SLC24A3: variants seen among roughly 807,000 people sequenced by gnomAD.
SLC24A3 encodes the protein solute carrier family 24 member 3.
SLC24A3 carries 28 observed loss-of-function variants against 75.8 expected under a neutral mutation model. That is an observed-to-expected ratio of 0.37 (90% CI 0.27 to 0.51). The LOEUF is 0.51. Ranked by LOEUF, SLC24A3 falls within the 20% of genes least tolerant of loss-of-function variation. The pLI, the probability that SLC24A3 is intolerant of heterozygous loss-of-function variation, is 0.94. For missense variants in SLC24A3, 663 were observed against 847.8 expected, an observed-to-expected ratio of 0.78 and a Z score of 2.71; for synonymous variants, 372 against 334.1, an observed-to-expected ratio of 1.11 and a Z score of -1.24.
chr20:19,388,183 GTCT>G (rs1329397497), intron 2 of SLC24A3, among the ~76,000 whole-genome samples: 1 of 152,006 alleles, frequency 6.6e-6, no homozygotes, highest in Non-Finnish European at 1.5e-5. Context: ...AAAATAGTAG[GTCT>G]TCTTTATTTT....
intron 6 of SLC24A3, among the ~76,000 whole-genome samples, chr20:19,617,319 A>G (rs969606343): frequency 1.9e-4 from 26 of 135,926 alleles, no homozygotes; most frequent in African/African-American, 6.0e-4. Context: ...TTAGAAGGAC[A>G]AGGACAGCAT....
At chr20:19,509,770 T>C (rs1286759336) in intron 2 of SLC24A3, among the ~76,000 whole-genome samples, 2 of 152,228 alleles carry the variant, frequency 1.3e-5, no homozygotes, top group Admixed American at 6.5e-5. Flanking sequence ...TGCAGTGTAC[T>C]GTGTTTGGAC....
chr20:19,340,890 C>A (rs971972961), intron 2 of SLC24A3, among the ~76,000 whole-genome samples: 4 of 152,174 alleles, frequency 2.6e-5, no homozygotes, highest in African/African-American at 9.7e-5. Context: ...TTATCCCCAC[C>A]ACGATGGAAT....
At chr20:19,253,346 T>A (rs932230258) in intron 1 of SLC24A3, among the ~76,000 whole-genome samples, 1 of 152,232 alleles carries the variant, frequency 6.6e-6, no homozygotes, top group Non-Finnish European at 1.5e-5. Flanking sequence ...TTTTAGACTC[T>A]GGGGTCTGAT....
At chr20:19,283,460 C>T (rs1370056709) in intron 2 of SLC24A3, among the ~76,000 whole-genome samples, 4 of 152,198 alleles carry the variant, frequency 2.6e-5, no homozygotes, top group African/African-American at 9.7e-5. Flanking sequence ...ATGTCAAATA[C>T]TCGATAGTTG....
intron 9 of SLC24A3, 89 bp downstream of exon 9, chr20:19,673,743 T>C: frequency 8.9e-7 from 1 of 1,127,974 alleles, no homozygotes; most frequent in Non-Finnish European, 1.3e-6. Flanking sequence ...GGTGGGTATC[T>C]GACTGGTTTT....
rs934437848 is a variant in SLC24A3, at chr20:19,475,231, C to T, written c.272-40257C>T. Among the ~76,000 whole-genome samples the T allele has an allele frequency of 5.3e-5, 8 of 151,740 alleles. No individual in the cohort carries two copies. The East Asian group carries it at 1.2e-3, about 22-fold the overall frequency. On this transcript the variant is annotated intron_variant, in intron 2 of 16. Transcript: ENST00000328041. ...GCGGTTGCCTGTAGTCACAGCTACT[C>T]GGGAGGCTGAGGCAGGAGAATGGCA...
intron 2 of SLC24A3, among the ~76,000 whole-genome samples, chr20:19,414,852 C>T (rs1402549454): frequency 2.6e-5 from 4 of 152,138 alleles, no homozygotes; most frequent in Non-Finnish European, 4.4e-5. Flanking sequence ...CATCATATCA[C>T]GTTTCCCTTT....
rs1986564237 is a variant in SLC24A3, at chr20:19,402,187, G to A, written c.272-113301G>A. 2.6e-5 allele frequency among the ~76,000 whole-genome samples: 4 copies of A among 152,322 alleles called. No individual in the cohort carries two copies. In the South Asian group the frequency reaches 8.3e-4, roughly 32 times the overall value. On this transcript the variant is annotated intron_variant, in intron 2 of 16. Coordinates refer to ENST00000328041, the MANE Select transcript of SLC24A3 (RefSeq NM_020689.4). The stretch of plus-strand genomic sequence containing the variant: ...CTCTGAAGCTCTAATCTAAAGATTA[G>A]ACAGAAGCCTGGGAGGAAATGATCA...
intron 6 of SLC24A3, among the ~76,000 whole-genome samples, chr20:19,623,230 T>TG (rs1319622820): frequency 6.6e-6 from 1 of 152,212 alleles, no homozygotes; most frequent in Admixed American, 6.5e-5. Context: ...CTCTGGACAT[T>TG]GAAAAAGCCA....
At chr20:19,644,446 C>T (rs1289001888) in intron 6 of SLC24A3, among the ~76,000 whole-genome samples, 4 of 152,130 alleles carry the variant, frequency 2.6e-5, no homozygotes, top group African/African-American at 9.7e-5. Flanking sequence ...CCCGGCGATG[C>T]TGATACCACT....
chr20:19,439,295 T>C (rs567576605), intron 2 of SLC24A3, among the ~76,000 whole-genome samples: 2 of 152,352 alleles, frequency 1.3e-5, no homozygotes, highest in African/African-American at 4.8e-5. Context: ...GTTCCTTTAC[T>C]TTCAAAACTT....
intron 2 of SLC24A3, among the ~76,000 whole-genome samples, chr20:19,438,515 C>A (rs909016852): frequency 1.3e-5 from 2 of 151,342 alleles, no homozygotes; most frequent in African/African-American, 4.9e-5. Flanking sequence ...GCACCCGACA[C>A]CCCCATACAG....
chr20:19,688,624 A>G (rs771552576), intron 12 of SLC24A3, among the ~76,000 whole-genome samples: 12 of 152,196 alleles, frequency 7.9e-5, no homozygotes, highest in African/African-American at 1.2e-4. Flanking sequence ...TGTGGACTGA[A>G]AAAGATCCGT....
intron 1 of SLC24A3, among the ~76,000 whole-genome samples, chr20:19,274,513 C>G (rs1039245780): frequency 2.0e-5 from 3 of 152,160 alleles, no homozygotes; most frequent in Non-Finnish European, 4.4e-5. Flanking sequence ...GCATCCTCCT[C>G]TCCTTCTGGG....
chr20:19,698,174 G>T (rs961469807), intron 14 of SLC24A3, among the ~76,000 whole-genome samples: 3 of 152,088 alleles, frequency 2.0e-5, no homozygotes, highest in African/African-American at 7.2e-5. Context: ...CACAAAGCCG[G>T]TACCAATGGG....
intron 1 of SLC24A3, among the ~76,000 whole-genome samples, chr20:19,220,401 T>A (rs191207065): frequency 1.1e-3 from 163 of 152,336 alleles, no homozygotes; most frequent in African/African-American, 3.8e-3. Flanking sequence ...ATTTTCACTT[T>A]AGTCAGCCAG....
chr20:19,337,220 G>T (rs533971288), intron 2 of SLC24A3, among the ~76,000 whole-genome samples: 10 of 152,138 alleles, frequency 6.6e-5, no homozygotes, highest in African/African-American at 2.4e-4. Context: ...TGAGGCGAGC[G>T]GATCACTTGA....
In SLC24A3 at chr20:19,267,730, C is replaced by G. The variant is rs144178613; in HGVS notation, c.143-13229C>G. On this transcript the variant is annotated intron_variant, in intron 1 of 16. Transcript: ENST00000328041. Reference sequence around the variant, plus strand: ...AGTCTTGATATTTATTTTCAAAATGCTCTCTCCATAGAGCAAATTTCTTTA... The same window carrying G: ...AGTCTTGATATTTATTTTCAAAATGGTCTCTCCATAGAGCAAATTTCTTTA... Among the ~76,000 whole-genome samples the G allele has an allele frequency of 2.4e-3, 359 of 152,178 alleles. 3 individuals are homozygous for G. Among genetic ancestry groups the G allele is most frequent in the African/African-American group, 8.5e-3 (353 of 41,508 alleles).
Sources: gnomAD v4.1 joint callset for allele counts (sites outside exome capture counted in the v4.1 genomes callset) on GRCh38, gnomAD v4.1.1 for gene constraint, MANE v1.5 for transcripts, NCBI Gene and HGNC (gene_info 2026-07-23, HGNC 2026-07-21) for gene names.